Variants in MACROD2 observed in about 807,000 individuals in gnomAD.
MACROD2 encodes mono-ADP ribosylhydrolase 2, also known as ADP-ribose glycohydrolase MACROD2.
In MACROD2, 36 loss-of-function variants were observed where a neutral mutation model predicts 70.4. The observed-to-expected ratio is 0.51, with a 90% confidence interval of 0.39 to 0.68. MACROD2 has a LOEUF of 0.68. MACROD2 is among the 30% of genes least tolerant of loss of function. The pLI is 0.00. For missense variants in MACROD2, 496 were observed against 538.4 expected (o/e 0.92, Z 0.78); for synonymous variants, 172 against 178.8 (o/e 0.96, Z 0.30).
chr20:14,444,837 A>G (rs1044976038), intron 3 of MACROD2, among the ~76,000 whole-genome samples: 3 of 151,312 alleles, frequency 2.0e-5, no homozygotes, highest in Non-Finnish European at 4.4e-5. Context: ...GTGTGTGTGT[A>G]TATATATATA....
intron 8 of MACROD2, among the ~76,000 whole-genome samples, chr20:15,707,392 T>A (rs1241267036): frequency 6.6e-6 from 1 of 152,200 alleles, no homozygotes; most frequent in East Asian, 1.9e-4. Context: ...CTCTATAGTA[T>A]ACCAGGCACT....
chr20:14,881,659 A>G (rs894500047), intron 5 of MACROD2, among the ~76,000 whole-genome samples: 1 of 152,098 alleles, frequency 6.6e-6, no homozygotes, highest in Non-Finnish European at 1.5e-5. Flanking sequence ...CATCTCCTCA[A>G]GCTTGTCCAT....
At chr20:14,325,814 A>G (rs2082723419) in intron 3 of MACROD2, 1 of 1,613,776 alleles carries the variant, frequency 6.2e-7, no homozygotes, top group African/African-American at 1.3e-5. Flanking sequence ...CCTTTGCTAT[A>G]TGCACAGTTC....
chr20:14,678,332 C>T (rs1260580319), intron 4 of MACROD2, among the ~76,000 whole-genome samples: 1 of 152,156 alleles, frequency 6.6e-6, no homozygotes, highest in African/African-American at 2.4e-5. Context: ...TTGGGAAGTA[C>T]TGTCTTGCTC....
chr20:15,235,984 C>G (rs1310771023), intron 6 of MACROD2, among the ~76,000 whole-genome samples: 2 of 152,166 alleles, frequency 1.3e-5, no homozygotes, highest in Non-Finnish European at 2.9e-5. Context: ...TCTATGTCTT[C>G]CCTGGTTGGG....
chr20:14,171,404 G>T (rs1378753509), intron 3 of MACROD2, among the ~76,000 whole-genome samples: 1 of 151,872 alleles, frequency 6.6e-6, no homozygotes, highest in South Asian at 2.1e-4. Context: ...GTTTGTTCTT[G>T]TTTCTCTAGT....
intron 5 of MACROD2, among the ~76,000 whole-genome samples, chr20:15,010,803 A>G (rs1343292017): frequency 6.6e-6 from 1 of 152,186 alleles, no homozygotes; most frequent in East Asian, 1.9e-4. Flanking sequence ...CAGTGAATCT[A>G]GTGCTATATC....
intron 5 of MACROD2, among the ~76,000 whole-genome samples, chr20:15,016,308 C>T (rs2075120947): frequency 6.6e-6 from 1 of 152,176 alleles, no homozygotes; most frequent in African/African-American, 2.4e-5. Context: ...GTCTAGATGA[C>T]ACTTCAAAGT....
At chr20:16,035,197 T>A (rs76068377) in intron 15 of MACROD2, among the ~76,000 whole-genome samples, 94,334 of 126,668 alleles carry the variant, frequency 0.74, 36,812 homozygotes, top group Non-Finnish European at 0.83. Flanking sequence ...ATATAAAATA[T>A]AATATAAAAT....
At chr20:14,469,727 A>G (rs1033183620) in intron 3 of MACROD2, among the ~76,000 whole-genome samples, 3 of 151,684 alleles carry the variant, frequency 2.0e-5, no homozygotes, top group Non-Finnish European at 2.9e-5. Context: ...TCACCTATTG[A>G]TAAGGTATCA....
chr20:14,326,228 A>G lies in MACROD2; in HGVS notation c.272-167251A>G. On this transcript the variant is annotated intron_variant, in intron 3 of 17. Transcript: ENST00000684519. This position sits in a 1 kb window ranked among gnomAD's most constrained non-coding sequence, Gnocchi z 5.5. Reference sequence around the variant, plus strand: ...GCAGTCATAGGTAGAGCAAGTTTCCAAGAGATATGAATGGTATCAGAGGTG... The same window carrying G: ...GCAGTCATAGGTAGAGCAAGTTTCCGAGAGATATGAATGGTATCAGAGGTG... The G allele has an allele frequency of 6.2e-7, 1 of 1,613,912 alleles. No individual in the cohort carries two copies. Among genetic ancestry groups the G allele is most frequent in the Non-Finnish European group, 8.5e-7 (1 of 1,179,846 alleles).
intron 8 of MACROD2, among the ~76,000 whole-genome samples, chr20:15,586,739 A>G (rs1453921405): frequency 1.3e-5 from 2 of 152,246 alleles, no homozygotes; most frequent in African/African-American, 4.8e-5. Context: ...GAAATGTTCA[A>G]TAACTTGGCT....
chr20:14,378,014 AT>A (rs201785637), intron 3 of MACROD2, among the ~76,000 whole-genome samples: 4,464 of 152,270 alleles, frequency 0.029, 95 homozygotes, highest in Non-Finnish European at 0.046. Flanking sequence ...ATAATTTTGC[AT>A]GCATTTTATA....
intron 8 of MACROD2, among the ~76,000 whole-genome samples, chr20:15,630,689 A>G: frequency 6.6e-6 from 1 of 152,220 alleles, no homozygotes; most frequent in East Asian, 1.9e-4. Context: ...TCAACAGCAA[A>G]TGTAGATGCA....
chr20:14,580,433 C>T (rs952265178), intron 4 of MACROD2, among the ~76,000 whole-genome samples: 10 of 60,858 alleles, frequency 1.6e-4, no homozygotes, highest in East Asian at 5.4e-4. Flanking sequence ...TTCTTTTTCC[C>T]GTTGCCTGAA....
chr20:15,851,328 C>G (rs2147147278), intron 8 of MACROD2, among the ~76,000 whole-genome samples: 2 of 151,942 alleles, frequency 1.3e-5, no homozygotes, highest in South Asian at 4.2e-4. Context: ...TCATAAAGTA[C>G]CACAGACTGG....
Position 15,975,777 on chromosome 20 carries a change from C to T in MACROD2, c.985+8147C>T, listed in dbSNP as rs546021340. On this transcript the variant is annotated intron_variant, in intron 13 of 17. Coordinates refer to ENST00000684519, the MANE Select transcript of MACROD2 (RefSeq NM_001351661.2). ...ATGCTTATATGCATTTTTAGCGTAT[C>T]CATAAGGAAATTGCATTTCTTTTGT... 1.4e-4 allele frequency among the ~76,000 whole-genome samples: 22 copies of T among 152,186 alleles called. No individual in the cohort carries two copies. The South Asian group carries it at 3.9e-3, about 27-fold the overall frequency.
At chr20:15,871,996 G>T (rs2064591920) in intron 9 of MACROD2, among the ~76,000 whole-genome samples, 1 of 152,186 alleles carries the variant, frequency 6.6e-6, no homozygotes, top group Non-Finnish European at 1.5e-5. Flanking sequence ...AAAGGCTAAA[G>T]AAAAGTCAGT....
At chr20:14,855,597 G>GTT (rs71190156) in intron 5 of MACROD2, among the ~76,000 whole-genome samples, 7,152 of 77,040 alleles carry the variant, frequency 0.093, 1,032 homozygotes, top group East Asian at 0.11. Context: ...ATCCTACCAA[G>GTT]TTTTTTTTTT....
Sources: allele counts gnomAD v4.1 joint callset (sites outside exome capture counted in the v4.1 genomes callset), GRCh38; gene constraint gnomAD v4.1.1; non-coding constraint Gnocchi (gnomAD v3.1); transcripts MANE v1.5; gene names NCBI Gene and HGNC (gene_info 2026-07-23, HGNC 2026-07-21).